Variants in DNAH5 observed in about 807,000 individuals in gnomAD.
DNAH5 encodes dynein axonemal heavy chain 5, also known as axonemal beta dynein heavy chain 5.
A neutral mutation model predicts 518.2 loss-of-function variants in DNAH5; 372 were observed. The observed-to-expected ratio is 0.72, with a 90% CI of 0.66 to 0.78. The LOEUF is 0.78. Ranked by LOEUF, DNAH5 falls within the 30% of genes least tolerant of loss-of-function variation. DNAH5 has a pLI of 0.00. For synonymous variants in DNAH5, 2,039 were observed against 2,025.9 expected, an observed-to-expected ratio of 1.01 and a Z score of -0.17; for missense variants, 5,523 against 5,687.0, an observed-to-expected ratio of 0.97 and a Z score of 0.93.
At chr5:13,722,545 C>A (rs1745193713) in intron 70 of DNAH5, among the ~76,000 whole-genome samples, 1 of 152,126 alleles carries the variant, frequency 6.6e-6, no homozygotes, top group Non-Finnish European at 1.5e-5. Context: ...GACTGTTGAA[C>A]GACTGGCTTG....
chr5:13,946,753 A>G (rs1165548966), upstream of DNAH5, among the ~76,000 whole-genome samples: 2 of 152,194 alleles, frequency 1.3e-5, no homozygotes, highest in African/African-American at 4.8e-5. Flanking sequence ...AAGAGTAGAC[A>G]ATGGACCTCA....
rs867941010 is a variant in DNAH5 at position 13,901,557 on chromosome 5, G to C, written c.1747C>G (p.Leu583Val). 1 of 1,611,364 alleles carries C rather than the reference G, an allele frequency of 6.2e-7. No individual in the cohort carries two copies. Among genetic ancestry groups the C allele is most frequent in the African/African-American group, 1.3e-5 (1 of 74,788 alleles). Residue 583 changes from leucine (L) to valine (V), a missense_variant, in exon 14 of 79, where the codon CTT (leucine) becomes GTT (valine). By Grantham distance (32) the Leu-to-Val change is conservative. Coordinates refer to ENST00000265104, the MANE Select transcript of DNAH5 (RefSeq NM_001369.3). ...AGTTGATATTTGTCATCAATACCAAGATTAGGTATATTCAATCTGATTTTT... is the reference window on the plus strand; with the variant it reads ...AGTTGATATTTGTCATCAATACCAACATTAGGTATATTCAATCTGATTTTT... ...KKFERLNIPN[L>V]GIDDKYQLIL...
chr5:13,727,756 T>C (rs1745953421), intron 69 of DNAH5, 100 bp from the exon 70 acceptor site: 10 of 1,274,892 alleles, frequency 7.8e-6, no homozygotes, highest in African/African-American at 3.0e-5. Context: ...TCTCCAGATA[T>C]GTGTAAATTA....
chr5:13,999,213 G>A (rs886917721), intron 1 of DNAH5, among the ~76,000 whole-genome samples: 2 of 149,780 alleles, frequency 1.3e-5, no homozygotes, highest in Admixed American at 1.3e-4. Context: ...ACTGTAGTAA[G>A]AACATTTAAC....
intron 2 of DNAH5, among the ~76,000 whole-genome samples, chr5:13,930,306 G>C (rs1001669932): frequency 2.6e-5 from 4 of 152,078 alleles, no homozygotes; most frequent in Non-Finnish European, 4.4e-5. Context: ...TTTGGAACCA[G>C]CCATTGTGGG....
Position 13,850,582 on chromosome 5 carries a change from T to C in DNAH5, c.5114+70A>G, listed in dbSNP as rs1462582915. 18 of 1,416,450 alleles carry C rather than the reference T, an allele frequency of 1.3e-5. 1 individual carries two copies. The East Asian group carries it at 3.9e-4, about 31-fold the overall frequency. The allele number at this position is 1,416,450 out of a possible 1,614,324, so 87.7% of individuals were successfully genotyped here. On this transcript the variant is annotated intron_variant, in intron 31 of 78. Transcript: ENST00000265104. Reference sequence around the variant, plus strand: ...AGCAAAAGAAAACAAATTTGGCTAATGCTATCTAGTCTCCCTGTATCCTTT... The same window carrying C: ...AGCAAAAGAAAACAAATTTGGCTAACGCTATCTAGTCTCCCTGTATCCTTT...
intron 1 of DNAH5, among the ~76,000 whole-genome samples, chr5:14,008,419 T>C (rs1581166804): frequency 1.3e-5 from 2 of 148,898 alleles, no homozygotes; most frequent in African/African-American, 5.0e-5. Flanking sequence ...GCCCAGGAGT[T>C]TGAGACCAGC....
chr5:13,708,900 T>C (rs1743148201), intron 75 of DNAH5, among the ~76,000 whole-genome samples: 1 of 152,228 alleles, frequency 6.6e-6, no homozygotes, highest in Non-Finnish European at 1.5e-5. Flanking sequence ...CACTGACAAA[T>C]TCAGCAAAAG....
chr5:14,003,523 A>C (rs893767741), intron 1 of DNAH5, among the ~76,000 whole-genome samples: 1 of 152,174 alleles, frequency 6.6e-6, no homozygotes, highest in African/African-American at 2.4e-5. Context: ...CCTCTCTGTC[A>C]TACTCCATTC....
chr5:14,002,379 TTAAAAATTAA>T, intron 1 of DNAH5, among the ~76,000 whole-genome samples: 1 of 152,178 alleles, frequency 6.6e-6, no homozygotes, highest in African/African-American at 2.4e-5. Flanking sequence ...TTTTCTAAGG[TTAAAAATTAA>T]ACACATAAAT....
chr5:13,803,845 T>A (rs1402638717), intron 47 of DNAH5, among the ~76,000 whole-genome samples: 1 of 152,164 alleles, frequency 6.6e-6, no homozygotes, highest in Non-Finnish European at 1.5e-5. Context: ...CTGCACAAGA[T>A]GTCACTTGGA....
intron 1 of DNAH5, among the ~76,000 whole-genome samples, chr5:13,981,023 A>G (rs549801939): frequency 6.6e-6 from 1 of 152,254 alleles, no homozygotes; most frequent in South Asian, 2.1e-4. Context: ...TCCCCACTAT[A>G]TAAAGTAGCA....
At chr5:13,771,771 C>T (rs1279097738) in intron 55 of DNAH5, among the ~76,000 whole-genome samples, 1 of 152,100 alleles carries the variant, frequency 6.6e-6, no homozygotes, top group East Asian at 1.9e-4. Context: ...ATTATCACAA[C>T]CATTTCTATG....
intron 24 of DNAH5, among the ~76,000 whole-genome samples, chr5:13,869,297 T>G (rs1769734281): frequency 6.9e-6 from 1 of 145,336 alleles, no homozygotes. Flanking sequence ...TATAGTGTGA[T>G]GAAAAGATGA....
Position 13,830,778 on chromosome 5 carries a change from G to A in DNAH5, c.5883-3C>T, listed in dbSNP as rs1763567583. 6.8e-6 allele frequency: 11 copies of A among 1,614,042 alleles called. No individual in the cohort carries two copies. Among genetic ancestry groups the A allele is most frequent in the Non-Finnish European group, 9.3e-6 (11 of 1,179,972 alleles). ...CTTGAGCCAGCGTGATGTAACATCTGCATGGGTAGAAACATCACTAGAACC... is the reference window on the plus strand; with the variant it reads ...CTTGAGCCAGCGTGATGTAACATCTACATGGGTAGAAACATCACTAGAACC... On this transcript the variant is annotated splice_region_variant and splice_polypyrimidine_tract_variant and intron_variant, in intron 35 of 78. Coordinates refer to ENST00000265104, the MANE Select transcript of DNAH5 (RefSeq NM_001369.3).
chr5:13,913,702 T>C, intron 11 of DNAH5, 41 bp downstream of exon 11: 1 of 1,608,190 alleles, frequency 6.2e-7, no homozygotes, highest in Non-Finnish European at 8.5e-7. Context: ...TGAAGTTTAG[T>C]TGTGGATTAT....
Position 13,841,830 on chromosome 5 carries a change from C to A in DNAH5, c.5346G>T (p.Glu1782Asp), listed in dbSNP as rs762203894. The A allele has an allele frequency of 6.2e-7, 1 of 1,610,838 alleles. No individual in the cohort carries two copies. Among genetic ancestry groups the A allele is most frequent in the Non-Finnish European group, 8.5e-7 (1 of 1,179,330 alleles). The part of the protein sequence containing the change: ...TIELDKPVMA[E>D]GNVEVWLNSL... ...AATTAAGCCAAACTTCCACATTGCC[C>A]TCTGCCATGACAGGTTTATCCAATT... The change falls in exon 33 of 79, where the codon GAG (glutamate) becomes GAT (aspartate). Residue 1782 changes from glutamate to aspartate, a missense_variant. By Grantham distance (45) the Glu-to-Asp change is conservative. Around this residue, in one of 3 missense-constraint regions of DNAH5, gnomAD observed 5,121 missense variants for 5,223.3 expected, o/e 0.98. Transcript: ENST00000265104.
rs556421107 is a variant in DNAH5, at chr5:13,690,528, T to C, written c.*1456A>G. On this transcript the variant is annotated 3_prime_UTR_variant, in exon 79 of 79. Transcript: ENST00000265104. The stretch of plus-strand genomic sequence containing the variant: ...CACTCAGTCCTAACTCTCATGATCA[T>C]GAGCATGAAATAATGATCCTGGTCC... 3 of 152,298 alleles carry C rather than the reference T, an allele frequency of 2.0e-5. No homozygotes were observed. The highest frequency in any genetic ancestry group is 1.9e-4 in the East Asian group (1 of 5,188). The allele number at this position is 152,298 out of a possible 1,614,324, so 9.4% of individuals were successfully genotyped here. A position where few individuals can be genotyped will look rare whatever the true frequency, so the allele number is the denominator to read the frequency against.
At chr5:13,837,067 C>T (rs888559784) in intron 35 of DNAH5, among the ~76,000 whole-genome samples, 20 of 152,206 alleles carry the variant, frequency 1.3e-4, no homozygotes, top group African/African-American at 2.7e-4. Context: ...CTTGGAAGAG[C>T]GGGAAACAGA....
Sources: gnomAD v4.1 joint callset for allele counts (sites outside exome capture counted in the v4.1 genomes callset) on GRCh38, gnomAD v4.1.1 for gene constraint, gnomAD v4.1.1 regional missense constraint, MANE v1.5 for transcripts, NCBI Gene and HGNC (gene_info 2026-07-23, HGNC 2026-07-21) for gene names.